PEX14: variants seen among roughly 807,000 people sequenced by gnomAD.
PEX14 encodes peroxisomal membrane protein PEX14.
In PEX14, 15 loss-of-function variants were observed where a neutral mutation model predicts 49.5. The ratio of observed to expected loss-of-function variants is 0.30; its 90% CI spans 0.20 to 0.47. PEX14 has a LOEUF of 0.47. Ranked by LOEUF, PEX14 falls within the 20% of genes least tolerant of loss-of-function variation. The pLI is 1.00. For missense variants in PEX14, 398 were observed against 494.8 expected (o/e 0.80, Z 1.86); for synonymous variants, 210 against 212.7 (o/e 0.99, Z 0.11).
chr1:10,621,520 T>C (rs1408607517), intron 5 of PEX14, among the ~76,000 whole-genome samples: 1 of 152,092 alleles, frequency 6.6e-6, no homozygotes, highest in Non-Finnish European at 1.5e-5. Context: ...CTAATCTTTA[T>C]ATTTTTAGTA....
At chr1:10,552,243 A>G (rs184587147) in intron 3 of PEX14, among the ~76,000 whole-genome samples, 32 of 152,300 alleles carry the variant, frequency 2.1e-4, no homozygotes, top group African/African-American at 7.2e-4. Flanking sequence ...GGAGTTCAAG[A>G]CCAGCCTGGC....
Position 10,623,380 on chromosome 1 carries a change from A to G in PEX14, c.487+259A>G, listed in dbSNP as rs1282897184. 2.3e-6 allele frequency: 1 copy of G among 437,150 alleles called. No homozygotes were observed. Among genetic ancestry groups the G allele is most frequent in the Non-Finnish European group, 4.3e-6 (1 of 233,932 alleles). 27.1% of individuals were successfully genotyped at this position (437,150 alleles called of 1,614,324 possible). A position where few individuals can be genotyped will look rare whatever the true frequency, so the allele number is the denominator to read the frequency against. ...TCAGAATATTAATAAGGGGAATAAAATGACAGCCTTTCTAAGGGCTGTAAA... is the reference window on the plus strand; with the variant it reads ...TCAGAATATTAATAAGGGGAATAAAGTGACAGCCTTTCTAAGGGCTGTAAA... On this transcript the variant is annotated intron_variant, in intron 6 of 8. Transcript: ENST00000356607. The surrounding 1 kb of genome is among the most constrained non-coding windows in gnomAD (Gnocchi z 4.4).
At chr1:10,475,109 G>T in intron 1 of PEX14, 107 bp downstream of exon 1, 1 of 1,088,756 alleles carries the variant, frequency 9.2e-7, no homozygotes, top group Non-Finnish European at 1.4e-6. Flanking sequence ...CGAAGCTGGG[G>T]ACCCCGACCT....
intron 1 of PEX14, among the ~76,000 whole-genome samples, chr1:10,487,239 ATAT>A (rs1641385691): frequency 6.6e-6 from 1 of 151,126 alleles, no homozygotes; most frequent in South Asian, 2.1e-4. Flanking sequence ...TTTGTGAGGG[ATAT>A]TATTCTATAG....
At chr1:10,524,302 T>C in intron 2 of PEX14, 1 of 176,932 alleles carries the variant, frequency 5.7e-6, no homozygotes, top group Non-Finnish European at 1.1e-5. Context: ...AATTTCCAGG[T>C]ATCTTACCTT....
chr1:10,477,791 CT>C (rs1180075264), intron 1 of PEX14, among the ~76,000 whole-genome samples: 1 of 152,192 alleles, frequency 6.6e-6, no homozygotes, highest in Non-Finnish European at 1.5e-5. Context: ...TCGGACAGAT[CT>C]ACTTAATTTT....
intron 2 of PEX14, among the ~76,000 whole-genome samples, chr1:10,520,148 C>CTTTTTTTTTTTTTTTTTTTT (rs565247030): frequency 6.1e-4 from 42 of 69,172 alleles, no homozygotes; most frequent in South Asian, 1.6e-3. Context: ...CCTTCTTCTT[C>CTTTTTTTTTTTTTTTTTTTT]TTTTTTTTTT....
chr1:10,497,013 C>G (rs113107926), intron 2 of PEX14, among the ~76,000 whole-genome samples: 1 of 151,938 alleles, frequency 6.6e-6, no homozygotes, highest in Non-Finnish European at 1.5e-5. Flanking sequence ...AAACTCCCAT[C>G]TCATTTGGGC....
intron 3 of PEX14, among the ~76,000 whole-genome samples, chr1:10,552,265 A>G (rs751905474): frequency 5.9e-5 from 9 of 152,024 alleles, no homozygotes; most frequent in Non-Finnish European, 8.8e-5. Context: ...AATGTGGTGA[A>G]ACTCCATCTC....
chr1:10,562,046 A>C (rs931622347), intron 3 of PEX14, among the ~76,000 whole-genome samples: 11 of 151,816 alleles, frequency 7.2e-5, no homozygotes, highest in African/African-American at 2.4e-4. Flanking sequence ...TTTAAGAATA[A>C]TTTTTTATTT....
At chr1:10,627,562 G>C (rs529249271) in intron 8 of PEX14, among the ~76,000 whole-genome samples, 199 bp downstream of exon 8, 1 of 152,096 alleles carries the variant, frequency 6.6e-6, no homozygotes, top group Non-Finnish European at 1.5e-5. Flanking sequence ...CAGAGGTGAC[G>C]GTCTGTGGCA....
rs1231269056 is a variant in PEX14 at position 10,495,706 on chromosome 1, G to A, written c.84+385G>A. 6.6e-6 allele frequency among the ~76,000 whole-genome samples: 1 copy of A among 152,156 alleles called. No individual in the cohort carries two copies. The highest frequency in any genetic ancestry group is 1.5e-5 in the Non-Finnish European group (1 of 68,034). On this transcript the variant is annotated intron_variant, in intron 2 of 8. Transcript: ENST00000356607. This position sits in a 1 kb window ranked among gnomAD's most constrained non-coding sequence, Gnocchi z 4.2. Reference sequence around the variant, plus strand: ...CCCCTCAGGGTGCGAGCGCCTCAGTGGTCTTTAAAGAACAGGTAAGCGATG... The same window carrying A: ...CCCCTCAGGGTGCGAGCGCCTCAGTAGTCTTTAAAGAACAGGTAAGCGATG...
At chr1:10,497,237 T>G (rs980485924) in intron 2 of PEX14, among the ~76,000 whole-genome samples, 4 of 151,492 alleles carry the variant, frequency 2.6e-5, no homozygotes, top group Admixed American at 2.6e-4. Flanking sequence ...CTCCTGGGAG[T>G]GGTGTTGGGA....
intron 2 of PEX14, among the ~76,000 whole-genome samples, chr1:10,508,575 CCCCCCCAGAAGTGCA>C (rs1468788737): frequency 1.3e-5 from 2 of 151,964 alleles, no homozygotes; most frequent in African/African-American, 4.8e-5. Flanking sequence ...CCAGCTCCCT[CCCCCCCAGAAGTGCA>C]CCTCCTACTG....
In PEX14 at chr1:10,494,686, T is replaced by G. The variant is rs865823460; in HGVS notation, c.37-588T>G. ...TCACTAGCTTATTTCCAAGAAGGAT[T>G]TAAGCCTGGGGCTTTCTTTACTATT... On this transcript the variant is annotated intron_variant, in intron 1 of 8. Coordinates refer to ENST00000356607, the MANE Select transcript of PEX14 (RefSeq NM_004565.3). The surrounding 1 kb of genome is among the most constrained non-coding windows in gnomAD (Gnocchi z 4.3). Among the ~76,000 whole-genome samples the G allele has an allele frequency of 2.0e-5, 3 of 152,220 alleles. No homozygotes were observed. The highest frequency in any genetic ancestry group is 2.9e-5 in the Non-Finnish European group (2 of 68,038).
chr1:10,498,240 A>G (rs1321563033), intron 2 of PEX14, among the ~76,000 whole-genome samples: 2 of 152,344 alleles, frequency 1.3e-5, no homozygotes, highest in South Asian at 4.1e-4. Context: ...TGATCAGGCC[A>G]CTGCACTCCA....
chr1:10,576,508 T>A (rs1312208897), intron 3 of PEX14, among the ~76,000 whole-genome samples: 1 of 152,236 alleles, frequency 6.6e-6, no homozygotes, highest in Non-Finnish European at 1.5e-5. Context: ...TTAGTTTTTA[T>A]GGTTTACGTT....
At chr1:10,530,438 G>A (rs1469209138) in intron 2 of PEX14, among the ~76,000 whole-genome samples, 3 of 152,146 alleles carry the variant, frequency 2.0e-5, no homozygotes, top group Non-Finnish European at 4.4e-5. Context: ...CTGCGCCTCC[G>A]CCGGCTCCGG....
intron 3 of PEX14, among the ~76,000 whole-genome samples, chr1:10,598,880 T>C (rs1227750087): frequency 1.2e-5 from 1 of 80,500 alleles, no homozygotes; most frequent in Non-Finnish European, 2.6e-5. Context: ...TTTTCCCCTC[T>C]TTTTTTTTTA....
Sources: gnomAD v4.1 joint callset for allele counts (sites outside exome capture counted in the v4.1 genomes callset) on GRCh38, gnomAD v4.1.1 for gene constraint, Gnocchi (gnomAD v3.1) non-coding constraint, MANE v1.5 for transcripts, NCBI Gene and HGNC (gene_info 2026-07-23, HGNC 2026-07-21) for gene names.